The following PIGK variants were observed in gnomAD, a reference collection of about 807,000 sequenced individuals.
PIGK encodes GPI-anchor transamidase.
Under a neutral mutation model 50.6 loss-of-function variants are expected in PIGK, and 42 were observed. The observed-to-expected ratio is 0.83, with a 90% CI of 0.65 to 1.07. PIGK has a LOEUF of 1.07. Ranked by LOEUF, PIGK falls within the 50% of genes least tolerant of loss-of-function variation. The pLI, the probability that PIGK is intolerant of heterozygous loss-of-function variation, is 0.00. For missense variants in PIGK, 448 were observed against 488.7 expected, an observed-to-expected ratio of 0.92 and a Z score of 0.78; for synonymous variants, 151 against 156.0, an observed-to-expected ratio of 0.97 and a Z score of 0.24.
chr1:77,161,770 T>C, intron 6 of PIGK, 59 bp from the exon 7 acceptor site: 2 of 761,490 alleles, frequency 2.6e-6, no homozygotes, highest in East Asian at 2.5e-5. Context: ...TACACTAATA[T>C]TTCTACAATA....
chr1:77,210,504 A>C lies in PIGK; in HGVS notation c.94-15T>G. On this transcript the variant is annotated splice_polypyrimidine_tract_variant and intron_variant, in intron 1 of 10. Transcript: ENST00000370812. ...TCTGCTTGATCCTAAATAAAGCAAA[A>C]CAAATAGAAGAAAAAGGCACAATTT... is the stretch of plus-strand genomic sequence containing the variant. The C allele has an allele frequency of 6.4e-7, 1 of 1,562,106 alleles. No individual in the cohort carries two copies. Among genetic ancestry groups the C allele is most frequent in the Non-Finnish European group, 8.7e-7 (1 of 1,146,058 alleles).
intron 9 of PIGK, among the ~76,000 whole-genome samples, chr1:77,128,884 C>A (rs1474159992): frequency 2.0e-5 from 3 of 152,070 alleles, no homozygotes; most frequent in Admixed American, 6.5e-5. Context: ...TTCTGTATGT[C>A]CTGTTAGCTA....
intron 3 of PIGK, among the ~76,000 whole-genome samples, chr1:77,196,483 CTTTTA>C (rs1656040436): frequency 6.6e-6 from 1 of 152,108 alleles, no homozygotes; most frequent in African/African-American, 2.4e-5. Flanking sequence ...TTGCCAACAT[CTTTTA>C]TTTTTTGACT....
chr1:77,202,695 A>G (rs925417979), intron 3 of PIGK, among the ~76,000 whole-genome samples: 2 of 152,224 alleles, frequency 1.3e-5, no homozygotes, highest in African/African-American at 2.4e-5. Flanking sequence ...GAAATACAGA[A>G]TAAGAAAAAA....
At chr1:77,186,918 C>G (rs759883872) in intron 3 of PIGK, among the ~76,000 whole-genome samples, 1 of 152,140 alleles carries the variant, frequency 6.6e-6, no homozygotes, top group Non-Finnish European at 1.5e-5. Context: ...TCTTCCATCA[C>G]GAAAAGGGCA....
At chr1:77,112,418 A>G (rs114692298) in intron 10 of PIGK, among the ~76,000 whole-genome samples, 2,243 of 152,128 alleles carry the variant, frequency 0.015, 14 homozygotes, top group Middle Eastern at 0.044. Context: ...TTCTGTATTT[A>G]TATGAGAAGA....
At chr1:77,153,511 G>A (rs1474720542) in intron 9 of PIGK, 1 of 151,992 alleles carries the variant, frequency 6.6e-6, no homozygotes, top group Non-Finnish European at 1.5e-5. Flanking sequence ...CCAACACAAA[G>A]AAAAGACAAA....
intron 3 of PIGK, among the ~76,000 whole-genome samples, chr1:77,187,810 G>A (rs1243415502): frequency 6.6e-6 from 1 of 152,210 alleles, no homozygotes; most frequent in Non-Finnish European, 1.5e-5. Context: ...CAAACGGATG[G>A]ACCGGCTGAA....
At chr1:77,108,927 G>A (rs1038254481) in intron 10 of PIGK, among the ~76,000 whole-genome samples, 4 of 152,100 alleles carry the variant, frequency 2.6e-5, no homozygotes, top group Non-Finnish European at 5.9e-5. Flanking sequence ...CTTGTGCCAT[G>A]GTTTTCAGCT....
At chr1:77,149,454 T>C (rs1393897878) in intron 9 of PIGK, among the ~76,000 whole-genome samples, 1 of 151,958 alleles carries the variant, frequency 6.6e-6, no homozygotes, top group Non-Finnish European at 1.5e-5. Context: ...GTAGCAATGC[T>C]TATATCAGAT....
intron 10 of PIGK, among the ~76,000 whole-genome samples, chr1:77,096,018 CT>C (rs747278953): frequency 6.6e-6 from 1 of 151,960 alleles, no homozygotes; most frequent in Non-Finnish European, 1.5e-5. Flanking sequence ...GAAGATCTCC[CT>C]GAGAAAAATT....
At chr1:77,129,181 G>A (rs772781393) in intron 9 of PIGK, 8 of 1,573,034 alleles carry the variant, frequency 5.1e-6, no homozygotes, top group South Asian at 1.1e-5. Flanking sequence ...TCCAATCTTC[G>A]TGTTCACTTT....
At chr1:77,170,052 T>C (rs1655325804) in intron 3 of PIGK, among the ~76,000 whole-genome samples, 1 of 152,194 alleles carries the variant, frequency 6.6e-6, no homozygotes, top group African/African-American at 2.4e-5. Context: ...CTACCTGGCA[T>C]CCTGCTTCTA....
chr1:77,192,090 G>A (rs979828153), intron 3 of PIGK, among the ~76,000 whole-genome samples: 22 of 151,824 alleles, frequency 1.4e-4, no homozygotes, highest in South Asian at 6.2e-4. Flanking sequence ...AGCCGAGACC[G>A]CGCCACTGCA....
At chr1:77,117,831 T>C (rs1053173812) in intron 10 of PIGK, among the ~76,000 whole-genome samples, 1 of 152,196 alleles carries the variant, frequency 6.6e-6, no homozygotes, top group Non-Finnish European at 1.5e-5. Context: ...GGGTAAAGCA[T>C]AAAAATATGT....
intron 10 of PIGK, among the ~76,000 whole-genome samples, chr1:77,113,320 T>C (rs1003870196): frequency 2.0e-5 from 3 of 152,118 alleles, no homozygotes; most frequent in Admixed American, 6.5e-5. Flanking sequence ...TTCAAAGCAA[T>C]ACAAAGGGTC....
chr1:77,146,370 A>C (rs1175442769), intron 9 of PIGK, among the ~76,000 whole-genome samples: 1 of 152,170 alleles, frequency 6.6e-6, no homozygotes, highest in Non-Finnish European at 1.5e-5. Flanking sequence ...AGACATCACT[A>C]AGAAAATGAG....
At chr1:77,148,882 T>G (rs537799295) in intron 9 of PIGK, among the ~76,000 whole-genome samples, 2 of 152,108 alleles carry the variant, frequency 1.3e-5, no homozygotes, top group East Asian at 3.9e-4. Flanking sequence ...GCTCAGCTAA[T>G]TTTTTTGTAT....
chr1:77,154,633 T>A lies in PIGK; in HGVS notation c.814-12A>T. 2 of 1,568,300 alleles carry A rather than the reference T, an allele frequency of 1.3e-6. No homozygotes were observed. Among genetic ancestry groups the A allele is most frequent in the South Asian group, 1.1e-5 (1 of 88,544 alleles). ...GGACATACCTGAAACTGAAAAAATA[T>A]ATAATAATAAATGCATGCATCCACA... On this transcript the variant is annotated splice_polypyrimidine_tract_variant and intron_variant, in intron 8 of 10. Transcript: ENST00000370812.
Sources: gnomAD v4.1 joint callset for allele counts (sites outside exome capture counted in the v4.1 genomes callset) on GRCh38, gnomAD v4.1.1 for gene constraint, MANE v1.5 for transcripts, NCBI Gene and HGNC (gene_info 2026-07-23, HGNC 2026-07-21) for gene names.